INTS7: variants seen among roughly 807,000 people sequenced by gnomAD.
INTS7 encodes the protein integrator complex subunit 7.
INTS7 carries 46 observed loss-of-function variants against 109.2 expected under a neutral mutation model. The observed-to-expected ratio is 0.42, with a 90% CI of 0.33 to 0.54. The LOEUF (loss-of-function observed/expected upper bound fraction) is 0.54, where lower values mean the gene tolerates loss of function less well. INTS7 is among the 20% of genes least tolerant of loss of function. The pLI is 0.07. For missense variants in INTS7, 929 were observed against 1,132.4 expected (o/e 0.82, Z 2.58); for synonymous variants, 412 against 402.9 (o/e 1.02, Z -0.27).
At chr1:211,990,550 A>G (rs557181120) in intron 7 of INTS7, among the ~76,000 whole-genome samples, 1 of 152,204 alleles carries the variant, frequency 6.6e-6, no homozygotes, top group Non-Finnish European at 1.5e-5. Flanking sequence ...TTTTTGTCAT[A>G]TACATGAATA....
intron 9 of INTS7, among the ~76,000 whole-genome samples, chr1:211,982,254 A>C (rs931757754): frequency 6.6e-6 from 1 of 152,178 alleles, no homozygotes; most frequent in Non-Finnish European, 1.5e-5. Context: ...TTTAATTCAC[A>C]TTGGTCTGTG....
rs570059787 is a variant in INTS7, at chr1:212,029,631, T to A, written c.94+5713A>T. Among the ~76,000 whole-genome samples, 55 of 152,312 alleles carry A rather than the reference T, an allele frequency of 3.6e-4. 2 individuals are homozygous for A. In the South Asian group the frequency reaches 0.011, roughly 30 times the overall value. ...AAGCATAAAAAGAGTGTTCAAAATA[T>A]ATTAAGCAACCATCAACATAACTAA... On this transcript the variant is annotated intron_variant, in intron 1 of 19. Transcript: ENST00000366994.
intron 1 of INTS7, among the ~76,000 whole-genome samples, chr1:212,024,940 A>G (rs553807825): frequency 6.6e-6 from 1 of 152,322 alleles, no homozygotes; most frequent in East Asian, 1.9e-4. Context: ...CTTCAATTAG[A>G]CTACATTCAC....
rs115239459 is a variant in INTS7 at position 211,999,477 on chromosome 1, C to T, written c.879+7162G>A. Among the ~76,000 whole-genome samples the T allele has an allele frequency of 5.5e-3, 835 of 152,186 alleles. 12 individuals carry two copies. The highest frequency in any genetic ancestry group is 0.018 in the African/African-American group (755 of 41,506). On this transcript the variant is annotated intron_variant, in intron 7 of 19. Transcript: ENST00000366994. ...GGGAAAGGACTGACTACAGAGGGGC[C>T]TGCAGAAACTTCTGGGGGTAATGAA...
At chr1:211,995,225 G>T (rs17018332) in intron 7 of INTS7, among the ~76,000 whole-genome samples, 1 of 152,088 alleles carries the variant, frequency 6.6e-6, no homozygotes, top group Non-Finnish European at 1.5e-5. Context: ...AAAGAAAAGC[G>T]ATGGGACAAA....
In INTS7 at chr1:211,946,420, G is replaced by C. The variant is rs1022262126; in HGVS notation, c.2415+187C>G. On this transcript the variant is annotated intron_variant, in intron 18 of 19. Coordinates refer to ENST00000366994, the MANE Select transcript of INTS7 (RefSeq NM_015434.4). This position sits in a 1 kb window ranked among gnomAD's most constrained non-coding sequence, Gnocchi z 4.3. ...ATCGCTTGAACCCGGAGGTTGCGGT[G>C]AGCCAAAATCACACCACTGTACTCC... Among the ~76,000 whole-genome samples the C allele has an allele frequency of 6.6e-6, 1 of 152,096 alleles. No individual in the cohort carries two copies. The highest frequency in any genetic ancestry group is 2.4e-5 in the African/African-American group (1 of 41,400).
intron 5 of INTS7, among the ~76,000 whole-genome samples, chr1:212,008,850 A>G (rs1315208311): frequency 6.6e-6 from 1 of 152,152 alleles, no homozygotes; most frequent in East Asian, 1.9e-4. Flanking sequence ...CTTCAAAATA[A>G]AACCCAAACT....
chr1:211,983,782 G>C (rs1659376234), intron 8 of INTS7, among the ~76,000 whole-genome samples: 1 of 152,040 alleles, frequency 6.6e-6, no homozygotes, highest in African/African-American at 2.4e-5. Flanking sequence ...TCACTTTGTT[G>C]ATTTCTGGTT....
intron 16 of INTS7, among the ~76,000 whole-genome samples, chr1:211,961,246 A>G (rs1364669785): frequency 6.6e-6 from 1 of 151,984 alleles, no homozygotes; most frequent in African/African-American, 2.4e-5. Context: ...CCCCAGTAAG[A>G]TACTTCACAA....
intron 8 of INTS7, among the ~76,000 whole-genome samples, chr1:211,984,420 A>C (rs968270349): frequency 1.1e-4 from 17 of 152,110 alleles, no homozygotes; most frequent in Admixed American, 3.3e-4. Flanking sequence ...AACCAGCATG[A>C]CCTTACTGTT....
intron 7 of INTS7, among the ~76,000 whole-genome samples, chr1:212,005,796 C>G (rs1665880452): frequency 4.6e-5 from 7 of 152,174 alleles, no homozygotes; most frequent in Admixed American, 4.6e-4. Context: ...TTAAGTCTCT[C>G]TGAACCCTAA....
At chr1:212,000,579 T>C (rs913336033) in intron 7 of INTS7, among the ~76,000 whole-genome samples, 1 of 152,230 alleles carries the variant, frequency 6.6e-6, no homozygotes, top group Admixed American at 6.5e-5. Context: ...TAAAAAAGCA[T>C]TTATTTGTAT....
At chr1:212,015,387 C>G (rs892440012) in intron 4 of INTS7, among the ~76,000 whole-genome samples, 2 of 152,276 alleles carry the variant, frequency 1.3e-5, no homozygotes, top group East Asian at 3.9e-4. Flanking sequence ...CCTTGGGATG[C>G]TGTTAATCTA....
At chr1:211,944,675 C>T in intron 19 of INTS7, 109 bp downstream of exon 19, 1 of 851,696 alleles carries the variant, frequency 1.2e-6, no homozygotes, top group South Asian at 1.6e-5. Context: ...CCATCTGATC[C>T]CTTTGGAGGT....
intron 4 of INTS7, among the ~76,000 whole-genome samples, chr1:212,015,196 G>A (rs1174351754): frequency 3.3e-5 from 5 of 152,170 alleles, no homozygotes; most frequent in Admixed American, 1.3e-4. Flanking sequence ...CCGCCACCCC[G>A]TCTGGGAGGT....
At chr1:211,994,272 T>C (rs990010284) in intron 7 of INTS7, among the ~76,000 whole-genome samples, 1 of 152,168 alleles carries the variant, frequency 6.6e-6, no homozygotes, top group Non-Finnish European at 1.5e-5. Context: ...CTTATTACTT[T>C]AGAAAAGGTT....
intron 10 of INTS7, among the ~76,000 whole-genome samples, chr1:211,979,515 G>C (rs576765528): frequency 6.6e-6 from 1 of 152,238 alleles, no homozygotes; most frequent in South Asian, 2.1e-4. Flanking sequence ...ACAAAGATTG[G>C]CACATAATAG....
At chr1:212,011,000 T>C (rs1043017565) in intron 5 of INTS7, among the ~76,000 whole-genome samples, 1 of 152,088 alleles carries the variant, frequency 6.6e-6, no homozygotes, top group Non-Finnish European at 1.5e-5. Context: ...GATCAATATA[T>C]ACAAAAAAGT....
At chr1:211,953,357 G>T (rs1663198158) in intron 16 of INTS7, among the ~76,000 whole-genome samples, 1 of 151,684 alleles carries the variant, frequency 6.6e-6, no homozygotes, top group Non-Finnish European at 1.5e-5. Flanking sequence ...ATTTCTAAGT[G>T]AAAAAAGGCA....
Sources: gnomAD v4.1 joint callset for allele counts (sites outside exome capture counted in the v4.1 genomes callset) on GRCh38, gnomAD v4.1.1 for gene constraint, Gnocchi (gnomAD v3.1) non-coding constraint, MANE v1.5 for transcripts, NCBI Gene and HGNC (gene_info 2026-07-23, HGNC 2026-07-21) for gene names.